Variants in SCFD2 observed in about 807,000 individuals in gnomAD.
The protein encoded by SCFD2 is sec1 family domain-containing protein 2.
In SCFD2, 54 loss-of-function variants were observed where a neutral mutation model predicts 58.9. The observed-to-expected ratio is 0.92, with a 90% CI of 0.74 to 1.15. SCFD2 has a LOEUF of 1.15. Among genes scored for constraint, SCFD2 ranks in the 50% most tolerant of loss-of-function variants. The probability of loss-of-function intolerance (pLI) is 0.00; values close to 1 mark genes in which losing one functional copy is unlikely to be tolerated. For synonymous variants in SCFD2, 321 were observed against 335.9 expected (o/e 0.96, Z 0.49); for missense variants, 805 against 836.6 (o/e 0.96, Z 0.47).
chr4:53,225,568 A>G (rs1233852913), intron 4 of SCFD2, among the ~76,000 whole-genome samples: 1 of 152,216 alleles, frequency 6.6e-6, no homozygotes, highest in Non-Finnish European at 1.5e-5. Flanking sequence ...AACACCCTAT[A>G]TAAAATTTTT....
chr4:52,951,607 C>T (rs1475642363), intron 5 of SCFD2, among the ~76,000 whole-genome samples: 1 of 152,166 alleles, frequency 6.6e-6, no homozygotes, highest in African/African-American at 2.4e-5. Context: ...AATTTTCCAG[C>T]CCCCTAGCAG....
chr4:53,040,627 T>A (rs1349506530), intron 5 of SCFD2, among the ~76,000 whole-genome samples: 1 of 152,158 alleles, frequency 6.6e-6, no homozygotes, highest in African/African-American at 2.4e-5. Context: ...ATGCCCTGAA[T>A]TATGCAACTA....
chr4:53,113,240 C>T (rs557080305), intron 5 of SCFD2, among the ~76,000 whole-genome samples: 16 of 152,176 alleles, frequency 1.1e-4, no homozygotes, highest in Admixed American at 2.0e-4. Flanking sequence ...CTTTCAGACA[C>T]GGTAGGACTG....
chr4:52,954,837 C>T (rs1560492822), intron 5 of SCFD2, among the ~76,000 whole-genome samples: 1 of 152,166 alleles, frequency 6.6e-6, no homozygotes, highest in Non-Finnish European at 1.5e-5. Flanking sequence ...AGGGATTCTT[C>T]CAGGCCATAA....
At chr4:53,327,400 C>T (rs1457824506) in intron 2 of SCFD2, among the ~76,000 whole-genome samples, 2 of 151,994 alleles carry the variant, frequency 1.3e-5, no homozygotes, top group Admixed American at 6.6e-5. Flanking sequence ...CTCAGGATGT[C>T]AAAGGCCAAG....
At chr4:53,247,631 G>A (rs1174244503) in intron 4 of SCFD2, among the ~76,000 whole-genome samples, 10 of 151,048 alleles carry the variant, frequency 6.6e-5, no homozygotes, top group East Asian at 1.9e-4. Context: ...AGGCCGAGGC[G>A]GGTGGATCAT....
chr4:53,232,336 A>G (rs1198860906), intron 4 of SCFD2, among the ~76,000 whole-genome samples: 1 of 152,166 alleles, frequency 6.6e-6, no homozygotes, highest in Non-Finnish European at 1.5e-5. Flanking sequence ...GATGGATAAC[A>G]ATAGAAAGCT....
At chr4:53,330,741 A>T (rs1304719187) in intron 2 of SCFD2, among the ~76,000 whole-genome samples, 1 of 152,144 alleles carries the variant, frequency 6.6e-6, no homozygotes, top group Non-Finnish European at 1.5e-5. Flanking sequence ...ATTCACACAT[A>T]ACAATATTAA....
chr4:53,182,518 A>T (rs923587871), intron 4 of SCFD2, among the ~76,000 whole-genome samples: 1 of 152,220 alleles, frequency 6.6e-6, no homozygotes, highest in South Asian at 2.1e-4. Flanking sequence ...TGGATTAAAG[A>T]CTTAAATGTT....
chr4:53,242,266 C>T (rs1333852178), intron 4 of SCFD2, among the ~76,000 whole-genome samples: 1 of 152,210 alleles, frequency 6.6e-6, no homozygotes, highest in Non-Finnish European at 1.5e-5. Context: ...CACCTCAGTC[C>T]CCTAAGTGCA....
chr4:53,012,376 T>TCTCTCA (rs1553914311), intron 5 of SCFD2, among the ~76,000 whole-genome samples: 1 of 147,922 alleles, frequency 6.8e-6, no homozygotes, highest in African/African-American at 2.5e-5. Flanking sequence ...TCTCTCTCTC[T>TCTCTCA]CACACACACA....
chr4:52,956,449 G>A (rs1053172375), intron 5 of SCFD2: 27 of 359,908 alleles, frequency 7.5e-5, no homozygotes, highest in Non-Finnish European at 1.3e-4. Context: ...AAGGGCAGGT[G>A]GCCACCAGGG....
chr4:53,167,804 T>C (rs1727053679), intron 4 of SCFD2, among the ~76,000 whole-genome samples: 1 of 152,194 alleles, frequency 6.6e-6, no homozygotes, highest in Non-Finnish European at 1.5e-5. Context: ...ACTTGCAATG[T>C]TTCTGCCCAT....
rs1726894625 is a variant in SCFD2, at chr4:53,162,839, TAAAGTA to T, written c.1312-17263_1312-17258del. 2.0e-5 allele frequency among the ~76,000 whole-genome samples: 3 copies of T among 150,910 alleles called. No individual in the cohort carries two copies. In the South Asian group the frequency reaches 6.3e-4, roughly 32 times the overall value. On this transcript the variant is annotated intron_variant, in intron 4 of 8. Coordinates refer to ENST00000401642, the MANE Select transcript of SCFD2 (RefSeq NM_152540.4). Reference sequence around the variant, plus strand: ...CATTGCGCACATGTACCCTAAAACTTAAAGTATAATAATAATAAAATAAAATAAAAT... The same window carrying T: ...CATTGCGCACATGTACCCTAAAACTTTAATAATAATAAAATAAAATAAAAT...
At chr4:53,080,715 T>G (rs1724121365) in intron 5 of SCFD2, among the ~76,000 whole-genome samples, 1 of 152,156 alleles carries the variant, frequency 6.6e-6, no homozygotes, top group African/African-American at 2.4e-5. Context: ...AGAACTATTT[T>G]TCATGCAATT....
chr4:53,340,574 G>A lies in SCFD2; in HGVS notation c.1007+12024C>T, dbSNP rs371321487. 8.5e-5 allele frequency among the ~76,000 whole-genome samples: 13 copies of A among 152,336 alleles called. No homozygotes were observed. The East Asian group carries it at 1.4e-3, about 16-fold the overall frequency. ...ACAAAAGGCAGCGAAAACTTCTGCA[G>A]ACTTAAATGTCACTGTCTGACAGCT... On this transcript the variant is annotated intron_variant, in intron 2 of 8. Transcript: ENST00000401642.
At chr4:53,160,906 C>G (rs1468971614) in intron 4 of SCFD2, among the ~76,000 whole-genome samples, 1 of 152,132 alleles carries the variant, frequency 6.6e-6, no homozygotes, top group Non-Finnish European at 1.5e-5. Context: ...TGAAAACATT[C>G]TACAAACTTT....
intron 5 of SCFD2, among the ~76,000 whole-genome samples, chr4:53,115,537 G>A (rs1441005770): frequency 1.3e-5 from 2 of 152,102 alleles, no homozygotes; most frequent in Admixed American, 6.6e-5. Context: ...AAGACAGAGA[G>A]GGCAGACCTG....
chr4:53,070,948 T>C (rs1391259358), intron 5 of SCFD2, among the ~76,000 whole-genome samples: 2 of 152,128 alleles, frequency 1.3e-5, no homozygotes, highest in Non-Finnish European at 2.9e-5. Flanking sequence ...ATAAAGACTA[T>C]GTTTCCTAGT....
Sources: allele counts gnomAD v4.1 joint callset (sites outside exome capture counted in the v4.1 genomes callset), GRCh38; gene constraint gnomAD v4.1.1; transcripts MANE v1.5; gene names NCBI Gene and HGNC (gene_info 2026-07-23, HGNC 2026-07-21).